MMADHC: variants seen among roughly 807,000 people sequenced by gnomAD.
The protein encoded by MMADHC is cobalamin trafficking protein CblD.
MMADHC carries 23 observed loss-of-function variants against 36.3 expected under a neutral mutation model. The ratio of observed to expected loss-of-function variants is 0.63; its 90% confidence interval spans 0.46 to 0.90. MMADHC has a LOEUF of 0.90. MMADHC is among the 40% of genes least tolerant of loss of function. The probability of loss-of-function intolerance (pLI) is 0.00; values close to 1 mark genes in which losing one functional copy is unlikely to be tolerated. For missense variants in MMADHC, 330 were observed against 348.0 expected (o/e 0.95, Z 0.41); for synonymous variants, 97 against 116.1 (o/e 0.84, Z 1.06).
intron 3 of MMADHC, among the ~76,000 whole-genome samples, chr2:149,580,026 C>T (rs1421817672): frequency 1.3e-5 from 2 of 152,122 alleles, no homozygotes; most frequent in African/African-American, 2.4e-5. Context: ...TATTTACATC[C>T]CCATATTCAC....
chr2:149,572,252 T>C (rs920366018), intron 6 of MMADHC: 51 of 425,682 alleles, frequency 1.2e-4, no homozygotes, highest in South Asian at 1.1e-4. Flanking sequence ...AGCAGAAGAA[T>C]TGCTTGAACC....
intron 3 of MMADHC, among the ~76,000 whole-genome samples, chr2:149,580,106 C>T (rs192814447): frequency 1.1e-4 from 17 of 152,278 alleles, no homozygotes; most frequent in Admixed American, 6.5e-5. Flanking sequence ...GAAGCCTTGA[C>T]CTCTGAGGTC....
At chr2:149,572,392 A>G (rs1015260217) in intron 6 of MMADHC, 4 of 273,314 alleles carry the variant, frequency 1.5e-5, no homozygotes, top group Admixed American at 1.0e-4. Flanking sequence ...GTTAACAGGT[A>G]CTGAACTCAC....
intron 6 of MMADHC, among the ~76,000 whole-genome samples, chr2:149,572,933 G>A (rs1558845653): frequency 6.6e-6 from 1 of 152,158 alleles, no homozygotes; most frequent in Non-Finnish European, 1.5e-5. Context: ...AGGTTAGTAA[G>A]CTACAGCCCA....
At chr2:149,573,769 C>T (rs1238208304) in intron 6 of MMADHC, among the ~76,000 whole-genome samples, 5 of 151,952 alleles carry the variant, frequency 3.3e-5, no homozygotes, top group African/African-American at 1.2e-4. Flanking sequence ...GAATGTATTT[C>T]AATTTAATGA....
At chr2:149,578,698 G>T (rs1682750982) in intron 4 of MMADHC, among the ~76,000 whole-genome samples, 1 of 151,872 alleles carries the variant, frequency 6.6e-6, no homozygotes, top group Non-Finnish European at 1.5e-5. Flanking sequence ...TAAAAATATA[G>T]GACAGGTCAA....
intron 2 of MMADHC, among the ~76,000 whole-genome samples, chr2:149,585,489 A>G (rs1431328744): frequency 6.6e-6 from 1 of 152,264 alleles, no homozygotes; most frequent in Non-Finnish European, 1.5e-5. Context: ...TATTTGAATT[A>G]AATACAAACA....
At chr2:149,573,394 G>A (rs930478062) in intron 6 of MMADHC, among the ~76,000 whole-genome samples, 36 of 152,156 alleles carry the variant, frequency 2.4e-4, no homozygotes, top group African/African-American at 7.2e-5. Flanking sequence ...TCTGCTTCTT[G>A]TTTCCTATTT....
rs761480889 is a variant in MMADHC, at chr2:149,582,176, T to C, written c.105A>G (p.Gly35=). The C allele has an allele frequency of 6.2e-7, 1 of 1,613,992 alleles. No individual in the cohort carries two copies. Among genetic ancestry groups the C allele is most frequent in the Non-Finnish European group, 8.5e-7 (1 of 1,179,904 alleles). The stretch of plus-strand genomic sequence containing the variant: ...CATGAGACTCATCCGAACCTGATGA[T>C]CCTGCAGTCGAAAAGGCTTTGGGAT... The part of the protein sequence containing the change: ...VVNPKAFSTA[G]SSGSDESHVA... Residue 35 remains glycine, a synonymous_variant, in exon 3 of 8, where the codon GGA becomes GGG. Coordinates refer to ENST00000303319, the MANE Select transcript of MMADHC (RefSeq NM_015702.3).
In MMADHC at chr2:149,575,781, T is replaced by C. The variant is rs747231300; in HGVS notation, c.539A>G (p.Gln180Arg). 6.2e-7 allele frequency: 1 copy of C among 1,609,430 alleles called. No individual in the cohort carries two copies. The highest frequency in any genetic ancestry group is 8.5e-7 in the Non-Finnish European group (1 of 1,176,588). The change falls in exon 6 of 8, where the codon CAA becomes CGA. Residue 180 changes from glutamine (Q) to arginine (R), a missense_variant. Coordinates refer to ENST00000303319, the MANE Select transcript of MMADHC (RefSeq NM_015702.3). ...AACAGTCATATCATTCTTAGTTTTT[T>C]GTGTTACAGTCAGAATCATTAGTTT... is the stretch of plus-strand genomic sequence containing the variant. ...NGKLMILTVTQKTKNDMTVWS... is the reference protein window; with the variant it reads ...NGKLMILTVTRKTKNDMTVWS...
intron 4 of MMADHC, among the ~76,000 whole-genome samples, chr2:149,578,970 C>G (rs1401375994): frequency 2.1e-5 from 3 of 145,168 alleles, no homozygotes; most frequent in Non-Finnish European, 4.5e-5. Flanking sequence ...AAAAAATAAA[C>G]TTATGAAACT....
chr2:149,577,094 TA>T (rs199896657), intron 4 of MMADHC, among the ~76,000 whole-genome samples: 3 of 150,696 alleles, frequency 2.0e-5, no homozygotes, highest in Non-Finnish European at 3.0e-5. Context: ...TCAGGCCTAA[TA>T]AAAAAAAATA....
At chr2:149,587,290 C>CAG in intron 1 of MMADHC, 141 bp from the exon 2 acceptor site, 1 of 637,244 alleles carries the variant, frequency 1.6e-6, no homozygotes, top group Non-Finnish European at 2.8e-6. Context: ...CTAAGGAGGC[C>CAG]AGAACTCGCC....
intron 7 of MMADHC, 79 bp from the exon 8 acceptor site, chr2:149,570,247 A>C: frequency 8.7e-7 from 1 of 1,146,448 alleles, no homozygotes; most frequent in South Asian, 1.3e-5. Flanking sequence ...ATGAACACCT[A>C]TCTACTTTAA....
chr2:149,578,383 T>G (rs999326004), intron 4 of MMADHC, among the ~76,000 whole-genome samples: 1 of 151,942 alleles, frequency 6.6e-6, no homozygotes, highest in Non-Finnish European at 1.5e-5. Context: ...TATACAGGAG[T>G]TAGGACAGGT....
At chr2:149,575,255 T>G (rs1474740486) in intron 6 of MMADHC, among the ~76,000 whole-genome samples, 1 of 152,164 alleles carries the variant, frequency 6.6e-6, no homozygotes, top group Non-Finnish European at 1.5e-5. Flanking sequence ...GTATACATTA[T>G]TACACTATTA....
At chr2:149,577,712 T>C (rs1004184323) in intron 4 of MMADHC, among the ~76,000 whole-genome samples, 2 of 151,916 alleles carry the variant, frequency 1.3e-5, no homozygotes, top group Admixed American at 6.6e-5. Flanking sequence ...ACTATCCTCA[T>C]GTGACATTTA....
chr2:149,585,004 T>C (rs954320320), intron 2 of MMADHC, among the ~76,000 whole-genome samples: 2 of 146,268 alleles, frequency 1.4e-5, no homozygotes, highest in Non-Finnish European at 3.0e-5. Flanking sequence ...ATCCCGCCAT[T>C]GCACTCCGGC....
chr2:149,582,106 GCAGTAACAACTTT>G lies in MMADHC; in HGVS notation c.154+8_154+20del. On this transcript the variant is annotated splice_region_variant and intron_variant, in intron 3 of 7. Coordinates refer to ENST00000303319, the MANE Select transcript of MMADHC (RefSeq NM_015702.3). ...ATGTTTTGAAACAATTATAAGTAAA[GCAGTAACAACTTT>G]CACTTACATATATCTGGAGGTGCAG... 1 of 1,612,222 alleles carries G rather than the reference GCAGTAACAACTTT, an allele frequency of 6.2e-7. No individual in the cohort carries two copies. The highest frequency in any genetic ancestry group is 1.1e-5 in the South Asian group (1 of 91,052).
Sources: gnomAD v4.1 joint callset for allele counts (sites outside exome capture counted in the v4.1 genomes callset) on GRCh38, gnomAD v4.1.1 for gene constraint, MANE v1.5 for transcripts, NCBI Gene and HGNC (gene_info 2026-07-23, HGNC 2026-07-21) for gene names.